The following GABRB1 variants were observed in gnomAD, a reference collection of about 807,000 sequenced individuals.
GABRB1 encodes the protein gamma-aminobutyric acid receptor subunit beta-1.
In GABRB1, 17 loss-of-function variants were observed where a neutral mutation model predicts 51.6. That is an observed-to-expected ratio of 0.33 (90% confidence interval 0.23 to 0.49). The LOEUF is 0.49. Among genes scored for constraint, GABRB1 ranks in the 20% least tolerant of loss-of-function variants. The pLI is 0.99. For missense variants in GABRB1, 410 were observed against 600.6 expected (o/e 0.68, Z 3.32); for synonymous variants, 247 against 218.9 (o/e 1.13, Z -1.14).
intron 1 of GABRB1, among the ~76,000 whole-genome samples, chr4:47,007,894 A>ATATATATATATAT (rs1491436729): frequency 1.3e-3 from 45 of 33,400 alleles, no homozygotes; most frequent in South Asian, 2.3e-3. Context: ...ATATATATAT[A>ATATATATATATAT]AAATCAAGTT....
intron 1 of GABRB1, among the ~76,000 whole-genome samples, chr4:47,015,067 C>T (rs945201759): frequency 1.3e-5 from 2 of 152,142 alleles, no homozygotes; most frequent in South Asian, 2.1e-4. Context: ...CCACCACACC[C>T]GGCTAATTTT....
chr4:47,169,098 G>T (rs1257737775), intron 4 of GABRB1, among the ~76,000 whole-genome samples: 1 of 152,014 alleles, frequency 6.6e-6, no homozygotes, highest in Admixed American at 6.6e-5. Flanking sequence ...CGGAGGTTTA[G>T]GACTTCCACA....
At chr4:47,072,606 C>G (rs1349904291) in intron 3 of GABRB1, among the ~76,000 whole-genome samples, 5 of 152,140 alleles carry the variant, frequency 3.3e-5, no homozygotes, top group Non-Finnish European at 7.4e-5. Flanking sequence ...TAATGCCTCT[C>G]TAATATCTAT....
chr4:47,150,167 T>TACAC (rs1338758936), intron 3 of GABRB1, among the ~76,000 whole-genome samples: 1 of 140,716 alleles, frequency 7.1e-6, no homozygotes, highest in African/African-American at 2.7e-5. Context: ...CCTATGCTTA[T>TACAC]ACACACACAC....
intron 4 of GABRB1, among the ~76,000 whole-genome samples, chr4:47,305,754 A>C (rs551213220): frequency 6.6e-6 from 1 of 152,160 alleles, no homozygotes; most frequent in African/African-American, 2.4e-5. Flanking sequence ...CCCAGTATTA[A>C]ATACCAATTA....
At chr4:47,412,972 G>A (rs1286259325) in intron 8 of GABRB1, among the ~76,000 whole-genome samples, 1 of 152,208 alleles carries the variant, frequency 6.6e-6, no homozygotes, top group Non-Finnish European at 1.5e-5. Context: ...CTGGCGCCAT[G>A]TTGCCTGCTT....
intron 3 of GABRB1, among the ~76,000 whole-genome samples, chr4:47,157,756 A>T (rs749531980): frequency 2.0e-5 from 3 of 152,088 alleles, no homozygotes; most frequent in Non-Finnish European, 4.4e-5. Flanking sequence ...CATCACAATT[A>T]TTATTATCTT....
chr4:47,330,891 G>A (rs1725456398), intron 5 of GABRB1, among the ~76,000 whole-genome samples: 1 of 152,090 alleles, frequency 6.6e-6, no homozygotes, highest in South Asian at 2.1e-4. Flanking sequence ...ACAAGCAAAA[G>A]CCTTTAAACC....
intron 8 of GABRB1, among the ~76,000 whole-genome samples, chr4:47,416,597 G>A (rs1228464675): frequency 1.3e-5 from 2 of 151,648 alleles, no homozygotes; most frequent in African/African-American, 2.4e-5. Flanking sequence ...GACTACAGGC[G>A]CCCGCCACCA....
chr4:47,177,976 G>A (rs937866484), intron 4 of GABRB1, among the ~76,000 whole-genome samples: 3 of 152,004 alleles, frequency 2.0e-5, no homozygotes, highest in African/African-American at 7.2e-5. Flanking sequence ...TGATTAAATG[G>A]ATTAGGATGT....
At chr4:47,332,175 C>G (rs7683676) in intron 5 of GABRB1, among the ~76,000 whole-genome samples, 94,323 of 152,080 alleles carry the variant, frequency 0.62, 29,389 homozygotes, top group East Asian at 0.7. Flanking sequence ...TTTAGAATAA[C>G]AATTATTTTG....
At chr4:47,134,731 G>C (rs1428181352) in intron 3 of GABRB1, among the ~76,000 whole-genome samples, 1 of 152,134 alleles carries the variant, frequency 6.6e-6, no homozygotes, top group African/African-American at 2.4e-5. Flanking sequence ...TAAATGTATA[G>C]TACAGTAGGT....
At chr4:47,101,812 G>T (rs2109608529) in intron 3 of GABRB1, among the ~76,000 whole-genome samples, 1 of 152,078 alleles carries the variant, frequency 6.6e-6, no homozygotes, top group South Asian at 2.1e-4. Context: ...GGTGTAGAGG[G>T]TTTTATATTC....
intron 3 of GABRB1, among the ~76,000 whole-genome samples, chr4:47,105,340 C>A (rs929411632): frequency 2.6e-5 from 4 of 152,054 alleles, no homozygotes; most frequent in African/African-American, 9.7e-5. Flanking sequence ...CTGCTCTTGA[C>A]CCTCTCCCAG....
intron 5 of GABRB1, among the ~76,000 whole-genome samples, chr4:47,371,516 G>C (rs1046791873): frequency 9.2e-5 from 14 of 152,286 alleles, no homozygotes; most frequent in Admixed American, 7.8e-4. Context: ...TCATCACGCT[G>C]TCTTCCACAA....
At chr4:47,330,073 A>G (rs1480626245) in intron 5 of GABRB1, among the ~76,000 whole-genome samples, 1 of 152,274 alleles carries the variant, frequency 6.6e-6, no homozygotes, top group East Asian at 1.9e-4. Flanking sequence ...TGATGTTTCC[A>G]TTTGAGTTCA....
At chr4:47,293,144 G>T (rs573536223) in intron 4 of GABRB1, among the ~76,000 whole-genome samples, 1 of 152,060 alleles carries the variant, frequency 6.6e-6, no homozygotes, top group African/African-American at 2.4e-5. Context: ...TGTTTTTCTT[G>T]GTTTGTTTGT....
At chr4:47,149,926 A>AT (rs1717350832) in intron 3 of GABRB1, among the ~76,000 whole-genome samples, 1 of 151,990 alleles carries the variant, frequency 6.6e-6, no homozygotes, top group African/African-American at 2.4e-5. Flanking sequence ...CAGATGCTCA[A>AT]TGAGTTCGAG....
At chr4:47,312,413 A>G (rs1724724702) in intron 4 of GABRB1, among the ~76,000 whole-genome samples, 1 of 94,236 alleles carries the variant, frequency 1.1e-5, no homozygotes, top group Non-Finnish European at 2.2e-5. Context: ...GTTAATGAGT[A>G]TTAGCTGCAA....
Sources: gnomAD v4.1 joint callset for allele counts (sites outside exome capture counted in the v4.1 genomes callset) on GRCh38, gnomAD v4.1.1 for gene constraint, MANE v1.5 for transcripts, NCBI Gene and HGNC (gene_info 2026-07-23, HGNC 2026-07-21) for gene names.